The following SLC38A4 variants were observed in gnomAD, a reference collection of about 807,000 sequenced individuals.
The protein encoded by SLC38A4 is solute carrier family 38 member 4, also known as sodium-coupled neutral amino acid transporter 4.
In SLC38A4, 20 loss-of-function variants were observed where a neutral mutation model predicts 63.1. That is an observed-to-expected ratio of 0.32 (90% CI 0.22 to 0.46). The LOEUF is 0.46. Ranked by LOEUF, SLC38A4 falls within the 20% of genes least tolerant of loss-of-function variation. The pLI is 1.00. For synonymous variants in SLC38A4, 230 were observed against 225.5 expected (o/e 1.02, Z -0.18); for missense variants, 526 against 663.6 (o/e 0.79, Z 2.28).
In SLC38A4 at chr12:46,776,949, C is replaced by A; in HGVS notation, c.1129G>T (p.Val377Phe). ...AAGAGGGCGGCAAGCAGGTACATGA[C>A]AAGCATCCCCGTGATGGAAATATTT... Reference protein sequence around the residue: ...VSNISITGMLVMYLLAALFGY... With the variant: ...VSNISITGMLFMYLLAALFGY... The change falls in exon 13 of 17, where the codon GTC (valine) becomes TTC (phenylalanine). Residue 377 changes from valine (V) to phenylalanine (F), a missense_variant. Coordinates refer to ENST00000266579, the MANE Select transcript of SLC38A4 (RefSeq NM_018018.5). 1.9e-6 allele frequency: 3 copies of A among 1,612,122 alleles called. No homozygotes were observed. Among genetic ancestry groups the A allele is most frequent in the East Asian group, 4.5e-5 (2 of 44,798 alleles).
Position 46,805,901 on chromosome 12 carries a change from G to T in SLC38A4, c.-304-2107C>A, listed in dbSNP as rs868681454. On this transcript the variant is annotated intron_variant, in intron 1 of 16. Transcript: ENST00000266579. The stretch of plus-strand genomic sequence containing the variant: ...GGTCTGTGTGTCTATAGGGGTAGGG[G>T]CTGGGGGTAAGATACATCCACATAA... Among the ~76,000 whole-genome samples, 18 of 151,998 alleles carry T rather than the reference G, an allele frequency of 1.2e-4. No individual in the cohort carries two copies. In the South Asian group the frequency reaches 3.3e-3, roughly 28 times the overall value.
chr12:46,817,996 G>C (rs1436103380), intron 1 of SLC38A4, among the ~76,000 whole-genome samples: 1 of 151,802 alleles, frequency 6.6e-6, no homozygotes, highest in African/African-American at 2.4e-5. Flanking sequence ...ATTTTTTCAA[G>C]AGTTGAATAG....
intron 5 of SLC38A4, 79 bp downstream of exon 5, chr12:46,787,837 A>G: frequency 9.8e-7 from 1 of 1,025,458 alleles, no homozygotes; most frequent in Middle Eastern, 2.1e-4. Context: ...ACAAAGATCA[A>G]ACTTGAGATT....
intron 3 of SLC38A4, among the ~76,000 whole-genome samples, chr12:46,792,125 G>C (rs1208205535): frequency 6.6e-6 from 1 of 152,152 alleles, no homozygotes; most frequent in East Asian, 1.9e-4. Flanking sequence ...TCTTGCAGGA[G>C]TGTAGAGGGC....
intron 1 of SLC38A4, among the ~76,000 whole-genome samples, chr12:46,817,189 T>G (rs1217365988): frequency 2.0e-5 from 3 of 151,912 alleles, no homozygotes; most frequent in Non-Finnish European, 4.4e-5. Context: ...AGTTCCCACC[T>G]TTTGCTCACT....
At chr12:46,794,785 G>C (rs953082076) in intron 2 of SLC38A4, among the ~76,000 whole-genome samples, 6 of 151,862 alleles carry the variant, frequency 4.0e-5, no homozygotes, top group African/African-American at 1.4e-4. Flanking sequence ...AGACAAAACA[G>C]AAAGAGATAA....
At chr12:46,769,229 C>T (rs1938360524) in intron 15 of SLC38A4, 55 bp downstream of exon 15, 1 of 1,595,522 alleles carries the variant, frequency 6.3e-7, no homozygotes, top group Non-Finnish European at 8.6e-7. Flanking sequence ...CCCTGTCCAT[C>T]ATTTAATGAG....
chr12:46,776,260 A>G (rs1478307049), intron 13 of SLC38A4, among the ~76,000 whole-genome samples: 1 of 152,034 alleles, frequency 6.6e-6, no homozygotes, highest in African/African-American at 2.4e-5. Context: ...AAGGAGTACA[A>G]TCCTACTCCC....
At chr12:46,780,306 T>C (rs2465644) in intron 7 of SLC38A4, among the ~76,000 whole-genome samples, 43,175 of 151,866 alleles carry the variant, frequency 0.28, 7,050 homozygotes, top group Non-Finnish European at 0.37. Context: ...GGTTCTGCCC[T>C]CATTAGTTAT....
chr12:46,823,054 T>TA lies in SLC38A4; in HGVS notation c.-305+2848dup, dbSNP rs534682734. ...TTACTTCCCTTCAAAGAAAAAGCTT[T>TA]AAAAAATCAGAAAACAACCCTCCCA... On this transcript the variant is annotated intron_variant, in intron 1 of 16. Transcript: ENST00000266579. Among the ~76,000 whole-genome samples the TA allele has an allele frequency of 6.8e-4, 104 of 152,274 alleles. 1 individual carries two copies. Among genetic ancestry groups the TA allele is most frequent in the South Asian group, 1.0e-3 (5 of 4,828 alleles).
intron 1 of SLC38A4, chr12:46,824,401 G>C (rs779948577): frequency 2.0e-5 from 3 of 152,058 alleles, no homozygotes; most frequent in Non-Finnish European, 4.4e-5. Context: ...ACAAACAAAT[G>C]TCATTTTGAA....
intron 1 of SLC38A4, among the ~76,000 whole-genome samples, chr12:46,818,528 A>G (rs998760513): frequency 2.0e-5 from 3 of 151,810 alleles, no homozygotes; most frequent in Admixed American, 6.6e-5. Flanking sequence ...GTAATATAGT[A>G]CAACTCATTT....
Position 46,788,555 on chromosome 12 carries a change from C to A in SLC38A4, c.183G>T (p.Lys61Asn), listed in dbSNP as rs758766992. 9 of 1,613,510 alleles carry A rather than the reference C, an allele frequency of 5.6e-6. No homozygotes were observed. Among genetic ancestry groups the A allele is most frequent in the Non-Finnish European group, 7.6e-6 (9 of 1,179,828 alleles). ...KFLTNGFLGK[K>N]KLADYADEHH... is the part of the protein sequence containing the mutation. ...GTTCATCAGCATAATCTGCCAGCTT[C>A]TTTTTCCCCAAAAATCCATTTGTCA... The change falls in exon 4 of 17, where the codon AAG becomes AAT. Residue 61 changes from lysine to asparagine, a missense_variant. Lys to Asn is a moderately conservative substitution (Grantham distance 94). Transcript: ENST00000266579.
intron 10 of SLC38A4, 98 bp from the exon 11 acceptor site, chr12:46,778,874 G>C (rs1938583886): frequency 9.1e-7 from 1 of 1,096,146 alleles, no homozygotes. Flanking sequence ...GGGGGGTGAG[G>C]GAACTCAGTT....
chr12:46,825,182 TGTCAGCTTCCTGGGTTTA>T lies in SLC38A4; in HGVS notation c.-305+703_-305+720del, dbSNP rs1427247911. On this transcript the variant is annotated intron_variant, in intron 1 of 16. Coordinates refer to ENST00000266579, the MANE Select transcript of SLC38A4 (RefSeq NM_018018.5). ...ATTACTTTAATATACGAAGTTTAAA[TGTCAGCTTCCTGGGTTTA>T]ATATTGTACTAAAGTGTGTCAGATG... is the stretch of plus-strand genomic sequence containing the variant. 6.6e-3 allele frequency among the ~76,000 whole-genome samples: 963 copies of T among 146,208 alleles called. 19 individuals carry two copies. The highest frequency in any genetic ancestry group is 0.011 in the Non-Finnish European group (734 of 64,606).
intron 15 of SLC38A4, 107 bp from the exon 16 acceptor site, chr12:46,768,514 T>G (rs1938344201): frequency 1.6e-6 from 1 of 637,508 alleles, no homozygotes; most frequent in Non-Finnish European, 2.5e-6. Flanking sequence ...TATCCTATAC[T>G]TAGCACTAAA....
chr12:46,809,222 C>T (rs928183975), intron 1 of SLC38A4, among the ~76,000 whole-genome samples: 1 of 152,002 alleles, frequency 6.6e-6, no homozygotes, highest in African/African-American at 2.4e-5. Context: ...ATAATGCTAA[C>T]ATATGCTTCA....
Position 46,766,187 on chromosome 12 carries a change from A to G in SLC38A4, c.*514T>C, listed in dbSNP as rs1201957898. The G allele has an allele frequency of 5.8e-6, 2 of 344,398 alleles. No individual in the cohort carries two copies. The highest frequency in any genetic ancestry group is 4.3e-5 in the African/African-American group (2 of 46,544). The allele number at this position is 344,398 out of a possible 1,614,324, so 21.3% of individuals were successfully genotyped here. ...TTTGACCATTCATGTACCTTACAGA[A>G]ACAGAAACAGTTCCTAAGACATGCC... On this transcript the variant is annotated 3_prime_UTR_variant, in exon 17 of 17. Coordinates refer to ENST00000266579, the MANE Select transcript of SLC38A4 (RefSeq NM_018018.5).
At position 46,778,069 on chromosome 12, in the gene SLC38A4, C is replaced by T. The variant is rs559841103; in HGVS notation, c.1073+220G>A. 3.9e-5 allele frequency among the ~76,000 whole-genome samples: 6 copies of T among 152,054 alleles called. 1 individual carries two copies. Among genetic ancestry groups the T allele is most frequent in the African/African-American group, 1.4e-4 (6 of 41,528 alleles). On this transcript the variant is annotated intron_variant, in intron 12 of 16. Transcript: ENST00000266579. ...TGTCCACCTGCCATGAACCCCTCCC[C>T]TGAACCATTATGGTGGAGAGAAAGG...
Sources: allele counts gnomAD v4.1 joint callset (sites outside exome capture counted in the v4.1 genomes callset), GRCh38; gene constraint gnomAD v4.1.1; transcripts MANE v1.5; gene names NCBI Gene and HGNC (gene_info 2026-07-23, HGNC 2026-07-21).